The following SPIC variants were observed in gnomAD, a reference collection of about 807,000 sequenced individuals.
The protein encoded by SPIC is Spi-C transcription factor.
In SPIC, 9 loss-of-function variants were observed where a neutral mutation model predicts 16.7. That is an observed-to-expected ratio of 0.54 (90% CI 0.33 to 0.94). The LOEUF is 0.94. SPIC is among the 40% of genes least tolerant of loss of function. The pLI, the probability that SPIC is intolerant of heterozygous loss-of-function variation, is 0.03. For missense variants in SPIC, 241 were observed against 285.8 expected (o/e 0.84, Z 1.13); for synonymous variants, 97 against 102.9 (o/e 0.94, Z 0.35).
intron 3 of SPIC, among the ~76,000 whole-genome samples, chr12:101,478,038 T>C (rs1408485896): frequency 6.7e-6 from 1 of 149,806 alleles, no homozygotes. Flanking sequence ...TTTTTCTTTT[T>C]TTTTTTTTTT....
intron 4 of SPIC, 21 bp from the exon 5 acceptor site, chr12:101,482,771 C>T: frequency 2.5e-6 from 4 of 1,591,628 alleles, no homozygotes; most frequent in Non-Finnish European, 3.4e-6. Context: ...CACTTAACAT[C>T]CTGCTTCATT....
chr12:101,480,952 CCTT>C (rs1006215851), intron 4 of SPIC, among the ~76,000 whole-genome samples: 52 of 152,304 alleles, frequency 3.4e-4, no homozygotes, highest in African/African-American at 1.2e-3. Flanking sequence ...ATCTGGCAAC[CCTT>C]CTTCTTTCTA....
At position 101,479,300 on chromosome 12, in the gene SPIC, GAAAGA is replaced by G. The variant is rs372373352; in HGVS notation, c.98-278_98-274del. 6.8e-3 allele frequency among the ~76,000 whole-genome samples: 520 copies of G among 76,840 alleles called. 35 individuals are homozygous for G. The highest frequency in any genetic ancestry group is 0.028 in the South Asian group (61 of 2,186). 50.4% of individuals were successfully genotyped at this position (76,840 alleles called of 152,430 possible). On this transcript the variant is annotated intron_variant, in intron 3 of 5. Coordinates refer to ENST00000551346, the MANE Select transcript of SPIC (RefSeq NM_152323.3). The stretch of plus-strand genomic sequence containing the variant: ...AAAGAAAGAAAAAGAAAGAAAGAAA[GAAAGA>G]AAAAAGAAAGAAAGAAAGAAAGAAA...
intron 5 of SPIC, among the ~76,000 whole-genome samples, chr12:101,485,370 C>A: frequency 6.6e-6 from 1 of 152,220 alleles, no homozygotes; most frequent in East Asian, 1.9e-4. Flanking sequence ...CTCAAAATTT[C>A]CTGCCTAGTT....
chr12:101,477,694 G>C, intron 3 of SPIC, 43 bp downstream of exon 3: 1 of 1,526,108 alleles, frequency 6.6e-7, no homozygotes, highest in Non-Finnish European at 9.1e-7. Flanking sequence ...TACATCAAAT[G>C]GCTTGTTGGT....
intron 3 of SPIC, among the ~76,000 whole-genome samples, chr12:101,479,235 A>AGAAG (rs1873081752): frequency 1.0e-5 from 1 of 100,036 alleles, no homozygotes; most frequent in Admixed American, 1.0e-4. Context: ...AAAGAAAGAA[A>AGAAG]GAAAGAAAAA....
intron 4 of SPIC, 29 bp downstream of exon 4, chr12:101,479,723 G>T: frequency 1.3e-6 from 2 of 1,521,442 alleles, no homozygotes; most frequent in Non-Finnish European, 1.8e-6. Flanking sequence ...CTTAATAACA[G>T]GCAAATATCC....
chr12:101,479,154 A>AAAAG lies in SPIC; in HGVS notation c.98-412_98-409dup, dbSNP rs1168515672. On this transcript the variant is annotated intron_variant, in intron 3 of 5. Coordinates refer to ENST00000551346, the MANE Select transcript of SPIC (RefSeq NM_152323.3). ...CCTGTCTTAAAAAAAAAAAAGAAAG[A>AAAAG]AAAGAAAGAAAGAAAGAAAAAGAAA... Among the ~76,000 whole-genome samples, 15 of 131,932 alleles carry AAAAG rather than the reference A, an allele frequency of 1.1e-4. No homozygotes were observed. In the East Asian group the frequency reaches 3.0e-3, roughly 27 times the overall value. The allele number at this position is 131,932 out of a possible 152,430, so 86.6% of individuals were successfully genotyped here. A position where few individuals can be genotyped will look rare whatever the true frequency, so the allele number is the denominator to read the frequency against.
At position 101,479,219 on chromosome 12, in the gene SPIC, A is replaced by AG. The variant is rs1555208962; in HGVS notation, c.98-362dup. On this transcript the variant is annotated intron_variant, in intron 3 of 5. Transcript: ENST00000551346. The stretch of plus-strand genomic sequence containing the variant: ...AAGAAAGAAAGAAAGAAAGAAAGAA[A>AG]GAAGGAAAGAAAGAAAGAAAGAAAA... 8.9e-4 allele frequency among the ~76,000 whole-genome samples: 74 copies of AG among 83,360 alleles called. 3 individuals are homozygous for AG. The highest frequency in any genetic ancestry group is 2.7e-3 in the African/African-American group (73 of 26,786). 54.7% of individuals were successfully genotyped at this position (83,360 alleles called of 152,430 possible).
rs1873372815 is a variant in SPIC at position 101,486,568 on chromosome 12, A to G, written c.544A>G (p.Ile182Val). 6.2e-7 allele frequency: 1 copy of G among 1,614,064 alleles called. No individual in the cohort carries two copies. Among genetic ancestry groups the G allele is most frequent in the African/African-American group, 1.3e-5 (1 of 74,938 alleles). Residue 182 changes from isoleucine (I) to valine (V), a missense_variant, in exon 6 of 6, where the codon ATT becomes GTT. By Grantham distance (29) the Ile-to-Val change is conservative. Coordinates refer to ENST00000551346, the MANE Select transcript of SPIC (RefSeq NM_152323.3). ...ALRNYGRSGE[I>V]TKIRRKLTYQ... Reference sequence around the variant, plus strand: ...CAGAAATTACGGAAGAAGTGGGGAAATTACCAAAATCCGGAGGAAGCTGAC... The same window carrying G: ...CAGAAATTACGGAAGAAGTGGGGAAGTTACCAAAATCCGGAGGAAGCTGAC...
intron 5 of SPIC, among the ~76,000 whole-genome samples, chr12:101,485,291 T>A (rs1449953738): frequency 6.6e-6 from 1 of 152,224 alleles, no homozygotes; most frequent in African/African-American, 2.4e-5. Flanking sequence ...AAATGGGCTG[T>A]CACTTTTGTT....
Position 101,486,787 on chromosome 12 carries a change from T to C in SPIC, c.*16T>C. On this transcript the variant is annotated 3_prime_UTR_variant, in exon 6 of 6. Transcript: ENST00000551346. ...TGATTGCTAAATATACTTTCATATT[T>C]CATGGTTTACTGGCATCGGAAATCT... 6.6e-7 allele frequency: 1 copy of C among 1,508,832 alleles called. No homozygotes were observed. The highest frequency in any genetic ancestry group is 8.9e-7 in the Non-Finnish European group (1 of 1,125,054). The allele number at this position is 1,508,832 out of a possible 1,614,324, so 93.5% of individuals were successfully genotyped here. A position where few individuals can be genotyped will look rare whatever the true frequency, so the allele number is the denominator to read the frequency against.
chr12:101,486,902 G>A lies in SPIC; in HGVS notation c.*131G>A. The A allele has an allele frequency of 4.3e-6, 3 of 705,316 alleles. No individual in the cohort carries two copies. Among genetic ancestry groups the A allele is most frequent in the Non-Finnish European group, 4.3e-6 (2 of 463,320 alleles). 43.7% of individuals were successfully genotyped at this position (705,316 alleles called of 1,614,324 possible). On this transcript the variant is annotated 3_prime_UTR_variant, in exon 6 of 6. Transcript: ENST00000551346. The stretch of plus-strand genomic sequence containing the variant: ...TTCTCTTAAAGCAAATACTAAAGAG[G>A]AAAAAAAATTAACTTTATTGTTGCT...
intron 2 of SPIC, 85 bp downstream of exon 2, chr12:101,476,992 T>C: frequency 1.4e-6 from 1 of 701,812 alleles, no homozygotes; most frequent in Non-Finnish European, 2.2e-6. Context: ...TTCTTTACTC[T>C]CCCTCCATTT....
At chr12:101,477,950 G>A (rs1873010083) in intron 3 of SPIC, among the ~76,000 whole-genome samples, 1 of 152,114 alleles carries the variant, frequency 6.6e-6, no homozygotes, top group African/African-American at 2.4e-5. Flanking sequence ...AGAGGCAGAA[G>A]CTTTAGTAAG....
rs1264907638 is a variant in SPIC at position 101,486,900 on chromosome 12, AG to A, written c.*131del. ...TTTTCTCTTAAAGCAAATACTAAAG[AG>A]GAAAAAAAATTAACTTTATTGTTGC... On this transcript the variant is annotated 3_prime_UTR_variant, in exon 6 of 6. Coordinates refer to ENST00000551346, the MANE Select transcript of SPIC (RefSeq NM_152323.3). 1.4e-6 allele frequency: 1 copy of A among 734,246 alleles called. No homozygotes were observed. Among genetic ancestry groups the A allele is most frequent in the East Asian group, 2.8e-5 (1 of 35,776 alleles). The allele number at this position is 734,246 out of a possible 1,614,324, so 45.5% of individuals were successfully genotyped here. A position where few individuals can be genotyped will look rare whatever the true frequency, so the allele number is the denominator to read the frequency against.
chr12:101,480,758 G>A (rs1469875925), intron 4 of SPIC, among the ~76,000 whole-genome samples: 1 of 152,104 alleles, frequency 6.6e-6, no homozygotes, highest in African/African-American at 2.4e-5. Flanking sequence ...AGGCTGAGGA[G>A]GAAGGATCAC....
rs749806830 is a variant in SPIC, at chr12:101,486,755, A to G, written c.731A>G (p.Asn244Ser). The G allele has an allele frequency of 6.4e-7, 1 of 1,568,950 alleles. No homozygotes were observed. The highest frequency in any genetic ancestry group is 1.8e-5 in the Admixed American group (1 of 54,150). Residue 244 changes from asparagine to serine, a missense_variant, in exon 6 of 6, where the codon AAT becomes AGT. Transcript: ENST00000551346. Reference protein sequence around the residue: ...NYTYANYHELNHHDC With the variant: ...NYTYANYHELSHHDC Reference sequence around the variant, plus strand: ...ACATATGCCAATTACCATGAGCTAAATCACCATGATTGCTAAATATACTTT... The same window carrying G: ...ACATATGCCAATTACCATGAGCTAAGTCACCATGATTGCTAAATATACTTT...
intron 4 of SPIC, among the ~76,000 whole-genome samples, chr12:101,481,982 C>G (rs553517655): frequency 7.7e-6 from 1 of 130,260 alleles, no homozygotes; most frequent in African/African-American, 2.8e-5. Context: ...GTGTCTCATG[C>G]CTGTAATCCC....
Sources: gnomAD v4.1 joint callset for allele counts (sites outside exome capture counted in the v4.1 genomes callset) on GRCh38, gnomAD v4.1.1 for gene constraint, MANE v1.5 for transcripts, NCBI Gene and HGNC (gene_info 2026-07-23, HGNC 2026-07-21) for gene names.